CR1L: variants seen among roughly 807,000 people sequenced by gnomAD.
CR1L encodes complement component receptor 1-like protein.
Under a neutral mutation model 62.3 loss-of-function variants are expected in CR1L, and 59 were observed. The ratio of observed to expected loss-of-function variants is 0.95; its 90% CI spans 0.77 to 1.18. The LOEUF is 1.18. CR1L is among the 50% of genes most tolerant of loss of function. The pLI is 0.00. For missense variants in CR1L, 700 were observed against 702.8 expected, an observed-to-expected ratio of 1.00 and a Z score of 0.04; for synonymous variants, 279 against 248.7, an observed-to-expected ratio of 1.12 and a Z score of -1.15.
intron 1 of CR1L, among the ~76,000 whole-genome samples, chr1:207,659,828 A>G (rs987921297): frequency 6.6e-6 from 1 of 152,240 alleles, no homozygotes; most frequent in African/African-American, 2.4e-5. Context: ...CAGTCTTCAC[A>G]ACCAGCAGAC....
At chr1:207,669,682 C>G (rs1195716483) in intron 1 of CR1L, 3 of 622,856 alleles carry the variant, frequency 4.8e-6, no homozygotes, top group Non-Finnish European at 7.9e-6. Flanking sequence ...CCAAAGGCAG[C>G]GCGATGGGTG....
intron 8 of CR1L, among the ~76,000 whole-genome samples, chr1:207,699,718 T>A (rs1664162440): frequency 1.3e-5 from 2 of 152,200 alleles, no homozygotes; most frequent in South Asian, 4.1e-4. Flanking sequence ...AATACTCAAG[T>A]ATCAAACATG....
At chr1:207,715,415 C>T (rs2796261) in intron 10 of CR1L, 606,144 of 1,490,152 alleles carry the variant, frequency 0.41, 127,951 homozygotes, top group Admixed American at 0.52. Context: ...GAAAGAACTA[C>T]GTAGTTTGGA....
intron 1 of CR1L, among the ~76,000 whole-genome samples, chr1:207,667,211 T>C (rs1663537292): frequency 6.6e-6 from 1 of 152,230 alleles, no homozygotes; most frequent in Admixed American, 6.5e-5. Context: ...TTCCTATTGC[T>C]ACTGTAACAA....
chr1:207,663,668 T>C (rs894951556), intron 1 of CR1L, among the ~76,000 whole-genome samples: 8 of 152,240 alleles, frequency 5.3e-5, no homozygotes, highest in Non-Finnish European at 1.0e-4. Flanking sequence ...CCCAGTGAGA[T>C]GAACCCGGTA....
At chr1:207,675,352 C>T (rs533786826) in intron 1 of CR1L, among the ~76,000 whole-genome samples, 4 of 152,022 alleles carry the variant, frequency 2.6e-5, no homozygotes, top group African/African-American at 9.7e-5. Flanking sequence ...AGATTGGGTG[C>T]GTTCAGGGTG....
chr1:207,716,244 G>A (rs1653995787), intron 10 of CR1L, among the ~76,000 whole-genome samples: 2 of 152,044 alleles, frequency 1.3e-5, no homozygotes, highest in African/African-American at 4.8e-5. Flanking sequence ...ATATAAAATG[G>A]TAGTTAAATA....
chr1:207,704,977 A>C (rs548560877), intron 9 of CR1L, among the ~76,000 whole-genome samples: 1 of 152,318 alleles, frequency 6.6e-6, no homozygotes, highest in East Asian at 1.9e-4. Flanking sequence ...TATAGACTGG[A>C]AGTCCAAAAT....
At chr1:207,693,381 G>C (rs555618611) in intron 4 of CR1L, among the ~76,000 whole-genome samples, 6 of 152,306 alleles carry the variant, frequency 3.9e-5, no homozygotes, top group African/African-American at 1.4e-4. Context: ...GCCACCCAAA[G>C]TGCTAAGATT....
intron 10 of CR1L, chr1:207,715,170 CT>C: frequency 1.9e-6 from 1 of 530,942 alleles, no homozygotes. Context: ...TGAACTAAGA[CT>C]TTTAGCTAGA....
chr1:207,647,238 G>A (rs1013666929), intron 1 of CR1L, among the ~76,000 whole-genome samples: 1 of 152,124 alleles, frequency 6.6e-6, no homozygotes, highest in Non-Finnish European at 1.5e-5. Context: ...CAAATGACTG[G>A]GGGGAGGGAA....
intron 1 of CR1L, among the ~76,000 whole-genome samples, chr1:207,668,662 C>T (rs75544149): frequency 0.039 from 5,862 of 151,104 alleles, 210 homozygotes; most frequent in South Asian, 0.12. Flanking sequence ...CTGGGGCTAA[C>T]TCTTGATTGC....
chr1:207,654,924 G>A (rs1231188768), intron 1 of CR1L, among the ~76,000 whole-genome samples: 1 of 152,204 alleles, frequency 6.6e-6, no homozygotes, highest in Non-Finnish European at 1.5e-5. Context: ...TGTGATTGCA[G>A]GAGGCAGCAA....
rs192550811 is a variant in CR1L, at chr1:207,684,946, A to G, written c.463+989A>G. Among the ~76,000 whole-genome samples, 736 of 152,300 alleles carry G rather than the reference A, an allele frequency of 4.8e-3. 6 individuals carry two copies. The highest frequency in any genetic ancestry group is 0.016 in the African/African-American group (660 of 41,556). The stretch of plus-strand genomic sequence containing the variant: ...AAAGTTTACGAGCTTCAGAATCTAA[A>G]TTTACAAATGACATTGGTCACACAT... On this transcript the variant is annotated intron_variant, in intron 4 of 11. Transcript: ENST00000508064.
At chr1:207,689,637 A>C (rs1224030201) in intron 4 of CR1L, among the ~76,000 whole-genome samples, 2 of 152,012 alleles carry the variant, frequency 1.3e-5, no homozygotes, top group Non-Finnish European at 2.9e-5. Flanking sequence ...AATGTGTTAA[A>C]AATTGTTTAT....
intron 4 of CR1L, among the ~76,000 whole-genome samples, chr1:207,687,676 G>GT (rs1267430319): frequency 6.6e-6 from 1 of 152,056 alleles, no homozygotes; most frequent in Non-Finnish European, 1.5e-5. Flanking sequence ...AGGATGGTCA[G>GT]TTTTTTTATT....
intron 3 of CR1L, among the ~76,000 whole-genome samples, chr1:207,681,362 G>C (rs1447218625): frequency 1.3e-5 from 2 of 152,114 alleles, no homozygotes; most frequent in Non-Finnish European, 2.9e-5. Flanking sequence ...AAAAAGGTAG[G>C]GTAGGATGTA....
chr1:207,710,321 C>A, intron 10 of CR1L: 1 of 1,026,484 alleles, frequency 9.7e-7, no homozygotes, highest in Non-Finnish European at 1.5e-6. Flanking sequence ...CCAGCCTGGG[C>A]GACAGAGCAA....
At chr1:207,656,489 A>G (rs1663312315) in intron 1 of CR1L, among the ~76,000 whole-genome samples, 1 of 152,160 alleles carries the variant, frequency 6.6e-6, no homozygotes, top group South Asian at 2.1e-4. Flanking sequence ...CCGTTTTCGT[A>G]TTGCTATAAA....
Sources: gnomAD v4.1 joint callset for allele counts (sites outside exome capture counted in the v4.1 genomes callset) on GRCh38, gnomAD v4.1.1 for gene constraint, MANE v1.5 for transcripts, NCBI Gene and HGNC (gene_info 2026-07-23, HGNC 2026-07-21) for gene names.